The following CAMKMT variants were observed in gnomAD, a reference collection of about 807,000 sequenced individuals.
CAMKMT encodes calmodulin-lysine N-methyltransferase.
A neutral mutation model predicts 48.0 loss-of-function variants in CAMKMT; 53 were observed. The ratio of observed to expected loss-of-function variants is 1.10; its 90% CI spans 0.89 to 1.39. The LOEUF is 1.39. Ranked by LOEUF, CAMKMT falls within the 40% of genes most tolerant of loss-of-function variation. The probability of loss-of-function intolerance (pLI) is 0.00; values close to 1 mark genes in which losing one functional copy is unlikely to be tolerated. For synonymous variants in CAMKMT, 165 were observed against 152.3 expected (o/e 1.08, Z -0.61); for missense variants, 428 against 402.7 (o/e 1.06, Z -0.54).
chr2:44,498,944 A>G (rs1669883928), intron 3 of CAMKMT, among the ~76,000 whole-genome samples: 2 of 152,192 alleles, frequency 1.3e-5, no homozygotes, highest in African/African-American at 4.8e-5. Context: ...TCTCTCAAGT[A>G]TATAAACAGA....
chr2:44,444,092 T>C (rs923596812), intron 3 of CAMKMT, among the ~76,000 whole-genome samples: 11 of 152,148 alleles, frequency 7.2e-5, no homozygotes, highest in African/African-American at 2.4e-4. Flanking sequence ...ATATGTTGCG[T>C]AGGTGAGTGA....
intron 3 of CAMKMT, among the ~76,000 whole-genome samples, chr2:44,640,948 A>C (rs1308156314): frequency 6.6e-6 from 1 of 152,154 alleles, no homozygotes; most frequent in East Asian, 1.9e-4. Flanking sequence ...GCTATATAGA[A>C]ACTGACATAG....
chr2:44,498,308 C>G (rs898211718), intron 3 of CAMKMT, among the ~76,000 whole-genome samples: 1 of 151,928 alleles, frequency 6.6e-6, no homozygotes, highest in Admixed American at 6.6e-5. Context: ...TGGTGATGAC[C>G]CATGTCAAAT....
chr2:44,470,573 A>G (rs1392072796), intron 3 of CAMKMT, among the ~76,000 whole-genome samples: 1 of 152,154 alleles, frequency 6.6e-6, no homozygotes, highest in Non-Finnish European at 1.5e-5. Flanking sequence ...TAGATTGTCA[A>G]GGGGGTTTTG....
At chr2:44,381,911 G>C (rs945498385) in intron 2 of CAMKMT, among the ~76,000 whole-genome samples, 91 of 143,870 alleles carry the variant, frequency 6.3e-4, no homozygotes, top group African/African-American at 2.2e-3. Flanking sequence ...ATACTGTATT[G>C]TTGATAATTT....
chr2:44,611,351 T>G (rs1671588439), intron 3 of CAMKMT, among the ~76,000 whole-genome samples: 1 of 151,816 alleles, frequency 6.6e-6, no homozygotes, highest in Admixed American at 6.6e-5. Flanking sequence ...GAGAATCACT[T>G]GAACCTGGGA....
chr2:44,473,508 G>A (rs111501531), intron 3 of CAMKMT, among the ~76,000 whole-genome samples: 19 of 152,232 alleles, frequency 1.2e-4, no homozygotes, highest in South Asian at 4.2e-4. Context: ...TTTTATAAGC[G>A]TGGATTTAGA....
intron 1 of CAMKMT, among the ~76,000 whole-genome samples, chr2:44,370,305 G>A (rs1426661925): frequency 1.3e-5 from 2 of 152,150 alleles, no homozygotes; most frequent in East Asian, 3.8e-4. Context: ...ATCTGGGCCT[G>A]GAGTTTTCTT....
intron 3 of CAMKMT, among the ~76,000 whole-genome samples, chr2:44,594,708 C>T (rs1670545544): frequency 1.3e-5 from 2 of 152,048 alleles, no homozygotes; most frequent in South Asian, 4.1e-4. Context: ...CCATAAAAAC[C>T]CTAGAAGAAA....
At chr2:44,678,075 A>G (rs922203172) in intron 3 of CAMKMT, among the ~76,000 whole-genome samples, 5 of 152,202 alleles carry the variant, frequency 3.3e-5, no homozygotes, top group East Asian at 3.8e-4. Context: ...AATTCCATGT[A>G]TGAATCCTAA....
At chr2:44,522,912 A>G (rs1009308316) in intron 3 of CAMKMT, among the ~76,000 whole-genome samples, 1 of 152,132 alleles carries the variant, frequency 6.6e-6, no homozygotes, top group South Asian at 2.1e-4. Context: ...CTAGATCACA[A>G]ATTTATTAAG....
chr2:44,492,337 A>T (rs1405230037), intron 3 of CAMKMT, among the ~76,000 whole-genome samples: 7 of 152,206 alleles, frequency 4.6e-5, no homozygotes, highest in Non-Finnish European at 8.8e-5. Flanking sequence ...CCATAAATGT[A>T]AATTATATAT....
intron 3 of CAMKMT, among the ~76,000 whole-genome samples, chr2:44,559,620 G>A (rs1451785294): frequency 1.3e-5 from 2 of 151,878 alleles, no homozygotes; most frequent in Non-Finnish European, 2.9e-5. Context: ...TTTGAAAGAT[G>A]TGTCTTACAC....
At chr2:44,397,309 T>G (rs1067339) in intron 3 of CAMKMT, among the ~76,000 whole-genome samples, 93,853 of 151,918 alleles carry the variant, frequency 0.62, 29,467 homozygotes, top group Middle Eastern at 0.67. Context: ...AATAAATATT[T>G]AAGGTCATCA....
At chr2:44,508,333 T>C (rs576518532) in intron 3 of CAMKMT, among the ~76,000 whole-genome samples, 1 of 152,328 alleles carries the variant, frequency 6.6e-6, no homozygotes, top group South Asian at 2.1e-4. Flanking sequence ...ATTAATCCTG[T>C]GGCATCAGCA....
chr2:44,537,093 A>G (rs1444661687), intron 3 of CAMKMT, among the ~76,000 whole-genome samples: 2 of 152,242 alleles, frequency 1.3e-5, no homozygotes, highest in Non-Finnish European at 2.9e-5. Flanking sequence ...AGTTTAGGAC[A>G]CTGGTCTAGG....
chr2:44,604,268 C>T (rs1671157532), intron 3 of CAMKMT, among the ~76,000 whole-genome samples: 1 of 152,082 alleles, frequency 6.6e-6, no homozygotes, highest in South Asian at 2.1e-4. Flanking sequence ...AATTACTTTT[C>T]TTGTTTGTTT....
At chr2:44,369,991 C>T (rs964394856) in intron 1 of CAMKMT, 1 of 152,184 alleles carries the variant, frequency 6.6e-6, no homozygotes, top group Non-Finnish European at 1.5e-5. Context: ...AGCTTTCCAA[C>T]TCTATAAAAT....
In CAMKMT at chr2:44,509,095, C is replaced by CA. The variant is rs10666078; in HGVS notation, c.376+118803dup. 1.3e-3 allele frequency among the ~76,000 whole-genome samples: 188 copies of CA among 140,750 alleles called. 2 individuals are homozygous for CA. Among genetic ancestry groups the CA allele is most frequent in the South Asian group, 0.012 (50 of 4,324 alleles). The allele number at this position is 140,750 out of a possible 152,430, so 92.3% of individuals were successfully genotyped here. ...TGGATGACAGACCCAGACCCCATGT[C>CA]AAAAAAAAAAAAATTATATGTCTTA... On this transcript the variant is annotated intron_variant, in intron 3 of 10. Transcript: ENST00000378494.
Sources: allele counts gnomAD v4.1 joint callset (sites outside exome capture counted in the v4.1 genomes callset), GRCh38; gene constraint gnomAD v4.1.1; transcripts MANE v1.5; gene names NCBI Gene and HGNC (gene_info 2026-07-23, HGNC 2026-07-21).